MTMR9: variants seen among roughly 807,000 people sequenced by gnomAD.
The protein encoded by MTMR9 is myotubularin-related protein 9.
A neutral mutation model predicts 69.5 loss-of-function variants in MTMR9; 39 were observed. The observed-to-expected ratio is 0.56, with a 90% CI of 0.43 to 0.73. MTMR9 has a LOEUF of 0.73. Ranked by LOEUF, MTMR9 falls within the 30% of genes least tolerant of loss-of-function variation. MTMR9 has a pLI of 0.00. For missense variants in MTMR9, 900 were observed against 671.2 expected (o/e 1.34, Z -3.77); for synonymous variants, 354 against 240.8 (o/e 1.47, Z -4.35).
At chr8:11,300,247 G>A in intron 3 of MTMR9, 99 bp downstream of exon 3, 1 of 1,328,224 alleles carries the variant, frequency 7.5e-7, no homozygotes. Context: ...ATAAGGTGAA[G>A]TTGACTTATC....
At chr8:11,310,021 T>C (rs181681473) in intron 6 of MTMR9, among the ~76,000 whole-genome samples, 66 of 152,336 alleles carry the variant, frequency 4.3e-4, no homozygotes, top group East Asian at 2.9e-3. Flanking sequence ...AAAGGAAGTT[T>C]TCTTATTTTT....
downstream of MTMR9, among the ~76,000 whole-genome samples, chr8:11,330,251 G>GA (rs1801156733): frequency 6.7e-6 from 1 of 150,134 alleles, no homozygotes; most frequent in Admixed American, 6.7e-5. Flanking sequence ...GAGGTGGAGG[G>GA]TCAGCCCCCC....
chr8:11,336,979 A>G, the MTMR9 span, among the ~76,000 whole-genome samples: 3 of 152,186 alleles, frequency 2.0e-5, no homozygotes, highest in Non-Finnish European at 4.4e-5. Context: ...CTCATGGTCT[A>G]ATAGCAAGCC....
chr8:11,315,373 T>A (rs1800372846), intron 7 of MTMR9, among the ~76,000 whole-genome samples: 1 of 152,122 alleles, frequency 6.6e-6, no homozygotes, highest in African/African-American at 2.4e-5. Flanking sequence ...ATCAAAGACA[T>A]AAGCAGTCGG....
At chr8:11,320,124 G>T in intron 9 of MTMR9, 1 of 282,186 alleles carries the variant, frequency 3.5e-6, no homozygotes, top group South Asian at 6.8e-5. Flanking sequence ...TTGCCTAAGA[G>T]AGTTGGTAAG....
chr8:11,336,509 G>C, the MTMR9 span, among the ~76,000 whole-genome samples: 1 of 152,180 alleles, frequency 6.6e-6, no homozygotes, highest in Non-Finnish European at 1.5e-5. Flanking sequence ...TACTTCTTTA[G>C]TCTTCCTTGT....
At chr8:11,287,929 T>C (rs533710201) in intron 1 of MTMR9, among the ~76,000 whole-genome samples, 1 of 128,536 alleles carries the variant, frequency 7.8e-6, no homozygotes, top group African/African-American at 3.0e-5. Flanking sequence ...ATATATTATA[T>C]AATATGTGTT....
In MTMR9 at chr8:11,300,098, G is replaced by C. The variant is rs769604574; in HGVS notation, c.367G>C (p.Gly123Arg). ...TCCTATGTTTGAAGTGATAGAAGAT[G>C]GCTGGCATTCCTTCCTTCCTGAGCA... ...YRPMFEVIED[G>R]WHSFLPEQEF... Residue 123 changes from glycine to arginine, a missense_variant, in exon 3 of 10, where the codon GGC (glycine) becomes CGC (arginine). By Grantham distance (125) the Gly-to-Arg change is moderately radical. Coordinates refer to ENST00000221086, the MANE Select transcript of MTMR9 (RefSeq NM_015458.4). 3.1e-6 allele frequency: 5 copies of C among 1,613,476 alleles called. No individual in the cohort carries two copies. The African/African-American group carries it at 6.7e-5, about 22-fold the overall frequency.
intron 6 of MTMR9, among the ~76,000 whole-genome samples, chr8:11,310,186 A>C (rs1352652782): frequency 6.6e-6 from 1 of 152,194 alleles, no homozygotes; most frequent in Non-Finnish European, 1.5e-5. Flanking sequence ...AGTTGAGAAC[A>C]CCTAGTGGTA....
At chr8:11,287,870 A>G (rs1799230044) in intron 1 of MTMR9, among the ~76,000 whole-genome samples, 2 of 110,006 alleles carry the variant, frequency 1.8e-5, no homozygotes, top group Admixed American at 1.0e-4. Context: ...ATATTATATT[A>G]TAATATATAA....
At position 11,309,533 on chromosome 8, in the gene MTMR9, C is replaced by T. The variant is rs758636349; in HGVS notation, c.816C>T (p.His272=). Residue 272 remains histidine, a synonymous_variant, in exon 6 of 10, where the codon CAC becomes CAT. Coordinates refer to ENST00000221086, the MANE Select transcript of MTMR9 (RefSeq NM_015458.4). ...ACTTTCTTACTTTTAAAAGGTATCACATTCTTCAGGAGAGCTTAATCAAAC... is the reference window on the plus strand; with the variant it reads ...ACTTTCTTACTTTTAAAAGGTATCATATTCTTCAGGAGAGCTTAATCAAAC... ...RRIHKSIERY[H]ILQESLIKLV... 1.9e-6 allele frequency: 3 copies of T among 1,606,372 alleles called. No individual in the cohort carries two copies. The highest frequency in any genetic ancestry group is 2.6e-6 in the Non-Finnish European group (3 of 1,176,438).
chr8:11,332,679 G>GT (rs2117504517), downstream of MTMR9, among the ~76,000 whole-genome samples: 1 of 152,024 alleles, frequency 6.6e-6, no homozygotes, highest in African/African-American at 2.4e-5. Flanking sequence ...TCAGCTCACT[G>GT]TAACATCCGC....
chr8:11,339,272 C>G, the MTMR9 span, among the ~76,000 whole-genome samples: 2 of 152,244 alleles, frequency 1.3e-5, no homozygotes, highest in Non-Finnish European at 2.9e-5. Flanking sequence ...AACAGACCTA[C>G]AAAGCCTCTG....
At chr8:11,332,126 T>A, downstream of MTMR9, 3 of 1,609,894 alleles carry the variant, frequency 1.9e-6, no homozygotes, top group Non-Finnish European at 2.5e-6. Context: ...AGGAGTGAGA[T>A]AGAACTTGGG....
the MTMR9 span, among the ~76,000 whole-genome samples, chr8:11,336,197 T>C: frequency 6.6e-6 from 1 of 152,294 alleles, no homozygotes; most frequent in East Asian, 1.9e-4. Context: ...TGTTGATAGG[T>C]TGGGTAGTCA....
intron 5 of MTMR9, 53 bp from the exon 6 acceptor site, chr8:11,309,474 T>C: frequency 6.6e-7 from 1 of 1,511,384 alleles, no homozygotes; most frequent in Non-Finnish European, 9.0e-7. Flanking sequence ...GTTTGGTTTC[T>C]TTATCTTTCT....
At chr8:11,300,503 T>G (rs996938662) in intron 3 of MTMR9, 1 of 155,148 alleles carries the variant, frequency 6.4e-6, no homozygotes, top group African/African-American at 2.4e-5. Flanking sequence ...AGGCAGTGTT[T>G]AGAGATAAAC....
intron 8 of MTMR9, chr8:11,318,239 C>G (rs1585133234): frequency 6.6e-6 from 1 of 152,272 alleles, no homozygotes; most frequent in Admixed American, 6.5e-5. Flanking sequence ...GGGAAGGATT[C>G]TGAAGTGGTG....
intron 5 of MTMR9, among the ~76,000 whole-genome samples, chr8:11,307,736 C>T (rs1353229609): frequency 6.6e-6 from 1 of 152,138 alleles, no homozygotes; most frequent in African/African-American, 2.4e-5. Flanking sequence ...TAGTAATAGC[C>T]ATTCTAACAG....
Sources: gnomAD v4.1 joint callset for allele counts (sites outside exome capture counted in the v4.1 genomes callset) on GRCh38, gnomAD v4.1.1 for gene constraint, MANE v1.5 for transcripts, NCBI Gene and HGNC (gene_info 2026-07-23, HGNC 2026-07-21) for gene names.